Variants in SIPA1L3 observed in about 807,000 individuals in gnomAD.
SIPA1L3 encodes the protein signal-induced proliferation-associated 1-like protein 3.
SIPA1L3 carries 59 observed loss-of-function variants against 150.1 expected under a neutral mutation model. That is an observed-to-expected ratio of 0.39 (90% CI 0.32 to 0.49). SIPA1L3 has a LOEUF of 0.49. SIPA1L3 is among the 20% of genes least tolerant of loss of function. SIPA1L3 has a pLI of 0.86. For missense variants in SIPA1L3, 2,211 were observed against 2,489.5 expected, an observed-to-expected ratio of 0.89 and a Z score of 2.38; for synonymous variants, 1,070 against 1,077.6, an observed-to-expected ratio of 0.99 and a Z score of 0.14.
intron 5 of SIPA1L3, 32 bp from the exon 6 acceptor site, chr19:38,101,020 C>CTGCCTCCACAAAGCCACTCT: frequency 6.6e-7 from 1 of 1,506,758 alleles, no homozygotes. Context: ...TCTGCCTGGC[C>CTGCCTCCACAAAGCCACTCT]TGCCTCCACA....
chr19:37,935,437 A>G (rs1232559078), intron 1 of SIPA1L3, among the ~76,000 whole-genome samples: 1 of 152,192 alleles, frequency 6.6e-6, no homozygotes, highest in Non-Finnish European at 1.5e-5. Context: ...CGTTGTACCC[A>G]GATAGAGATT....
chr19:38,158,619 C>G (rs192899821), intron 13 of SIPA1L3, among the ~76,000 whole-genome samples: 1 of 152,280 alleles, frequency 6.6e-6, no homozygotes, highest in Admixed American at 6.5e-5. Context: ...GGAGCAGGAC[C>G]AGGTGGGGAC....
chr19:38,174,580 G>T lies in SIPA1L3; in HGVS notation c.4209-7939G>T, dbSNP rs531609131. ...GTAATAGGATCTGTCAACCAGACACGGTGGCTCGCCTCTCATCCCAGCACT... is the reference window on the plus strand; with the variant it reads ...GTAATAGGATCTGTCAACCAGACACTGTGGCTCGCCTCTCATCCCAGCACT... On this transcript the variant is annotated intron_variant, in intron 15 of 21. Transcript: ENST00000222345. 3.3e-5 allele frequency among the ~76,000 whole-genome samples: 5 copies of T among 152,224 alleles called. No homozygotes were observed. In the South Asian group the frequency reaches 1.0e-3, roughly 32 times the overall value.
chr19:37,981,003 T>G (rs1221149380), intron 1 of SIPA1L3, among the ~76,000 whole-genome samples: 1 of 152,284 alleles, frequency 6.6e-6, no homozygotes, highest in Middle Eastern at 3.4e-3. Flanking sequence ...ATACAGGCTT[T>G]GTTTGGAGGG....
chr19:38,129,097 G>T (rs1600109329), intron 9 of SIPA1L3, among the ~76,000 whole-genome samples: 1 of 152,122 alleles, frequency 6.6e-6, no homozygotes, highest in African/African-American at 2.4e-5. Flanking sequence ...GCCATGGCTG[G>T]TTACATTCAT....
At chr19:38,054,842 G>A (rs546408954) in intron 2 of SIPA1L3, among the ~76,000 whole-genome samples, 2 of 152,346 alleles carry the variant, frequency 1.3e-5, no homozygotes, top group South Asian at 4.1e-4. Context: ...TGTGGTCGCT[G>A]CTCAGGCCAT....
At chr19:38,077,670 T>TTC (rs1969874723) in intron 2 of SIPA1L3, among the ~76,000 whole-genome samples, 1 of 111,538 alleles carries the variant, frequency 9.0e-6, no homozygotes, top group Non-Finnish European at 1.8e-5. Context: ...TCTTTTTTTT[T>TTC]TTTTTTTTTT....
intron 2 of SIPA1L3, among the ~76,000 whole-genome samples, chr19:38,039,223 A>C (rs1022630279): frequency 6.6e-6 from 1 of 152,106 alleles, no homozygotes; most frequent in Admixed American, 6.6e-5. Context: ...TTGTTGTTTA[A>C]AAAAAGAAAT....
At chr19:37,972,539 C>CA (rs1966969667) in intron 1 of SIPA1L3, among the ~76,000 whole-genome samples, 1 of 151,990 alleles carries the variant, frequency 6.6e-6, no homozygotes, top group African/African-American at 2.4e-5. Context: ...CCCATCTCTA[C>CA]AAAAAATTTA....
chr19:37,973,648 T>G (rs1488815043), intron 1 of SIPA1L3, among the ~76,000 whole-genome samples: 3 of 146,868 alleles, frequency 2.0e-5, no homozygotes, highest in African/African-American at 2.6e-5. Context: ...CCTGAGGGAG[T>G]AGCGTATGCC....
chr19:38,153,701 C>T (rs1000270728), intron 13 of SIPA1L3, among the ~76,000 whole-genome samples: 3 of 135,334 alleles, frequency 2.2e-5, no homozygotes, highest in Non-Finnish European at 3.1e-5. Context: ...CAGGCCAAGG[C>T]GGGCGGATAA....
intron 1 of SIPA1L3, among the ~76,000 whole-genome samples, chr19:37,997,141 A>T (rs2145647312): frequency 6.6e-6 from 1 of 152,272 alleles, no homozygotes; most frequent in East Asian, 1.9e-4. Flanking sequence ...TACATGTGCA[A>T]CTTTTAATAG....
intron 15 of SIPA1L3, among the ~76,000 whole-genome samples, chr19:38,169,115 G>A (rs748775292): frequency 3.4e-4 from 52 of 152,240 alleles, no homozygotes; most frequent in East Asian, 7.7e-4. Context: ...CAGGCCCGGC[G>A]CAGTGGCTCA....
chr19:37,938,127 T>G (rs886690829), intron 1 of SIPA1L3, among the ~76,000 whole-genome samples: 6 of 152,216 alleles, frequency 3.9e-5, no homozygotes, highest in Non-Finnish European at 5.9e-5. Flanking sequence ...ATTCTAACAT[T>G]GATTTAGACT....
intron 2 of SIPA1L3, among the ~76,000 whole-genome samples, chr19:38,076,410 T>G (rs1234561235): frequency 6.6e-6 from 1 of 152,164 alleles, no homozygotes; most frequent in Non-Finnish European, 1.5e-5. Flanking sequence ...CAGTACACAC[T>G]GCACTACCGT....
At chr19:38,122,647 C>T (rs1223161013) in intron 9 of SIPA1L3, among the ~76,000 whole-genome samples, 6 of 152,194 alleles carry the variant, frequency 3.9e-5, no homozygotes, top group Non-Finnish European at 7.4e-5. Context: ...TACAGAAGCC[C>T]ATGAGGCCGG....
intron 2 of SIPA1L3, among the ~76,000 whole-genome samples, chr19:38,078,573 G>C (rs1275245576): frequency 6.9e-6 from 1 of 144,098 alleles, no homozygotes; most frequent in Non-Finnish European, 1.5e-5. Context: ...GACATACACA[G>C]AGACACGCAC....
intron 10 of SIPA1L3, among the ~76,000 whole-genome samples, chr19:38,136,477 G>T (rs1268451404): frequency 2.0e-5 from 3 of 151,980 alleles, no homozygotes; most frequent in African/African-American, 7.3e-5. Context: ...GGTGGCAGGC[G>T]CCTGTAATCC....
chr19:38,013,455 A>T (rs1191797643), intron 1 of SIPA1L3, among the ~76,000 whole-genome samples: 1 of 152,210 alleles, frequency 6.6e-6, no homozygotes, highest in Non-Finnish European at 1.5e-5. Flanking sequence ...AAACATTCAA[A>T]TGGTACAAAG....
Sources: allele counts gnomAD v4.1 joint callset (sites outside exome capture counted in the v4.1 genomes callset), GRCh38; gene constraint gnomAD v4.1.1; transcripts MANE v1.5; gene names NCBI Gene and HGNC (gene_info 2026-07-23, HGNC 2026-07-21).